The following GNB4 variants were observed in gnomAD, a reference collection of about 807,000 sequenced individuals.
GNB4 encodes the protein guanine nucleotide-binding protein subunit beta-4.
GNB4 carries 28 observed loss-of-function variants against 45.2 expected under a neutral mutation model. That is an observed-to-expected ratio of 0.62 (90% CI 0.46 to 0.85). The LOEUF is 0.85. Ranked by LOEUF, GNB4 falls within the 40% of genes least tolerant of loss-of-function variation. GNB4 has a pLI of 0.00. For missense variants in GNB4, 321 were observed against 425.4 expected, an observed-to-expected ratio of 0.75 and a Z score of 2.16; for synonymous variants, 132 against 143.7, an observed-to-expected ratio of 0.92 and a Z score of 0.58.
Position 179,417,366 on chromosome 3 carries a change from A to T in GNB4, c.204-810T>A, listed in dbSNP as rs917532817. On this transcript the variant is annotated intron_variant, in intron 4 of 9. Coordinates refer to ENST00000232564, the MANE Select transcript of GNB4 (RefSeq NM_021629.4). ...AGCTTTGTTAAACTAAAGAGTATGAACTCCTAAGTAATTTTAGCCACTAAA... is the reference window on the plus strand; with the variant it reads ...AGCTTTGTTAAACTAAAGAGTATGATCTCCTAAGTAATTTTAGCCACTAAA... 2.0e-5 allele frequency among the ~76,000 whole-genome samples: 3 copies of T among 151,138 alleles called. No individual in the cohort carries two copies. The East Asian group carries it at 5.8e-4, about 29-fold the overall frequency.
chr3:179,509,468 G>A, the GNB4 span, among the ~76,000 whole-genome samples: 2 of 152,136 alleles, frequency 1.3e-5, no homozygotes, highest in African/African-American at 4.8e-5. Flanking sequence ...CGCCAAACCC[G>A]AGTGAAGAGA....
chr3:179,516,525 G>T, the GNB4 span, among the ~76,000 whole-genome samples: 2 of 152,078 alleles, frequency 1.3e-5, no homozygotes, highest in African/African-American at 4.8e-5. Context: ...GAAGGGAGGG[G>T]GCCTGAACAA....
chr3:179,426,081 G>A (rs1715139310), intron 2 of GNB4, 63 bp downstream of exon 2: 4 of 1,301,612 alleles, frequency 3.1e-6, no homozygotes, highest in African/African-American at 3.0e-5. Context: ...TAAACTAATA[G>A]GCAAATTTTG....
chr3:179,508,615 A>G, the GNB4 span, among the ~76,000 whole-genome samples: 22 of 152,302 alleles, frequency 1.4e-4, no homozygotes, highest in African/African-American at 5.3e-4. Context: ...GATAAAATTC[A>G]ATCAAAAAGG....
chr3:179,482,194 C>T, the GNB4 span, among the ~76,000 whole-genome samples: 1 of 152,174 alleles, frequency 6.6e-6, no homozygotes, highest in African/African-American at 2.4e-5. Context: ...CCACACCTGG[C>T]CTGCTTCTTT....
the GNB4 span, among the ~76,000 whole-genome samples, chr3:179,524,217 G>C: frequency 6.6e-6 from 1 of 152,250 alleles, no homozygotes; most frequent in Admixed American, 6.5e-5. Context: ...AAGGAGATCT[G>C]GGAAGGAGTC....
chr3:179,496,374 A>G, the GNB4 span, among the ~76,000 whole-genome samples: 2 of 152,144 alleles, frequency 1.3e-5, no homozygotes, highest in Admixed American at 6.5e-5. Flanking sequence ...CAAAACGAAA[A>G]CAAGCCAAAA....
chr3:179,515,214 C>T, the GNB4 span, among the ~76,000 whole-genome samples: 1 of 152,230 alleles, frequency 6.6e-6, no homozygotes, highest in Non-Finnish European at 1.5e-5. Context: ...AGATAGTATT[C>T]TAAGTGCTTT....
intron 1 of GNB4, among the ~76,000 whole-genome samples, chr3:179,444,362 T>G (rs1040263294): frequency 6.6e-5 from 10 of 152,036 alleles, no homozygotes; most frequent in Admixed American, 2.6e-4. Context: ...GTTTAAAATT[T>G]TTAATTACTA....
At chr3:179,445,793 G>A (rs929278847) in intron 1 of GNB4, among the ~76,000 whole-genome samples, 1 of 152,120 alleles carries the variant, frequency 6.6e-6, no homozygotes, top group African/African-American at 2.4e-5. Flanking sequence ...TTTTTAGAGG[G>A]TTCCTACTGC....
At chr3:179,460,938 TTAAA>T in the GNB4 span, among the ~76,000 whole-genome samples, 1 of 152,218 alleles carries the variant, frequency 6.6e-6, no homozygotes, top group African/African-American at 2.4e-5. Context: ...ATACAGATGT[TTAAA>T]TACGAATGAA....
At chr3:179,502,700 G>A in the GNB4 span, among the ~76,000 whole-genome samples, 1 of 152,040 alleles carries the variant, frequency 6.6e-6, no homozygotes, top group East Asian at 1.9e-4. Flanking sequence ...TGATATTTAA[G>A]CCTTTGGAAA....
the GNB4 span, among the ~76,000 whole-genome samples, chr3:179,461,754 A>G: frequency 6.6e-6 from 1 of 152,236 alleles, no homozygotes; most frequent in Non-Finnish European, 1.5e-5. Context: ...GACATTTTGT[A>G]TATTTCAATG....
At chr3:179,413,044 T>C (rs1714694920) in intron 8 of GNB4, among the ~76,000 whole-genome samples, 2 of 151,778 alleles carry the variant, frequency 1.3e-5, no homozygotes, top group African/African-American at 4.8e-5. Context: ...CCATGCATGG[T>C]GGTGTGTACC....
the GNB4 span, among the ~76,000 whole-genome samples, chr3:179,523,672 A>G: frequency 4.6e-5 from 7 of 151,974 alleles, no homozygotes; most frequent in Non-Finnish European, 1.0e-4. Flanking sequence ...GTGGGATGGG[A>G]TATTGGTGTT....
At chr3:179,485,559 A>G in the GNB4 span, among the ~76,000 whole-genome samples, 2 of 152,176 alleles carry the variant, frequency 1.3e-5, no homozygotes, top group Non-Finnish European at 2.9e-5. Flanking sequence ...AAAGCAGGAT[A>G]TACTTCTCTG....
At chr3:179,498,749 G>GTTTTTTT in the GNB4 span, among the ~76,000 whole-genome samples, 4 of 130,814 alleles carry the variant, frequency 3.1e-5, no homozygotes, top group East Asian at 4.5e-4. Context: ...TTGAGGTTTG[G>GTTTTTTT]TTTTTTTTTT....
rs991217519 is a variant in GNB4, at chr3:179,398,561, T to G, written c.*2652A>C. ...AAAGGAACATTAACTGCAATATTCTTGATGATGCAAATTTTTAAAAACTAA... is the reference window on the plus strand; with the variant it reads ...AAAGGAACATTAACTGCAATATTCTGGATGATGCAAATTTTTAAAAACTAA... On this transcript the variant is annotated 3_prime_UTR_variant, in exon 10 of 10. Coordinates refer to ENST00000232564, the MANE Select transcript of GNB4 (RefSeq NM_021629.4). 1 of 151,486 alleles carries G rather than the reference T, an allele frequency of 6.6e-6. No homozygotes were observed. Among genetic ancestry groups the G allele is most frequent in the Non-Finnish European group, 1.5e-5 (1 of 67,986 alleles). The allele number at this position is 151,486 out of a possible 1,614,324, so 9.4% of individuals were successfully genotyped here. A position where few individuals can be genotyped will look rare whatever the true frequency, so the allele number is the denominator to read the frequency against.
At chr3:179,486,199 C>T in the GNB4 span, among the ~76,000 whole-genome samples, 5 of 128,440 alleles carry the variant, frequency 3.9e-5, no homozygotes, top group Admixed American at 9.7e-5. Context: ...CCAGCTTGGG[C>T]GACAGGATGA....
Sources: allele counts gnomAD v4.1 joint callset (sites outside exome capture counted in the v4.1 genomes callset), GRCh38; gene constraint gnomAD v4.1.1; transcripts MANE v1.5; gene names NCBI Gene and HGNC (gene_info 2026-07-23, HGNC 2026-07-21).